The following MAMLD1 variants were observed in gnomAD, a reference collection of about 807,000 sequenced individuals.
MAMLD1 encodes mastermind-like domain-containing protein 1.
MAMLD1 carries 14 observed loss-of-function variants against 45.0 expected under a neutral mutation model. The ratio of observed to expected loss-of-function variants is 0.31; its 90% CI spans 0.21 to 0.49. The LOEUF is 0.49. MAMLD1 is among the 20% of genes least tolerant of loss of function. The pLI is 0.99. For synonymous variants in MAMLD1, 254 were observed against 247.8 expected, an observed-to-expected ratio of 1.02 and a Z score of -0.24; for missense variants, 543 against 603.6, an observed-to-expected ratio of 0.90 and a Z score of 1.05.
intron 1 of MAMLD1, among the ~76,000 whole-genome samples, chrX:150,404,573 T>C (rs2033951881): frequency 9.0e-6 from 1 of 111,657 alleles, no homozygotes; most frequent in South Asian, 3.8e-4. Flanking sequence ...ACTGAAAATA[T>C]CTAAAGTACA....
intron 1 of MAMLD1, among the ~76,000 whole-genome samples, chrX:150,365,085 G>C (rs1393784805): frequency 1.2e-4 from 13 of 110,558 alleles, no homozygotes; most frequent in Admixed American, 1.1e-3. Flanking sequence ...ACCTCTTCTT[G>C]TCTTTATAGA....
At chrX:150,434,301 T>A (rs1198046499) in intron 1 of MAMLD1, among the ~76,000 whole-genome samples, 1 of 111,468 alleles carries the variant, frequency 9.0e-6, no homozygotes, top group African/African-American at 3.3e-5. Context: ...TCTTTTTTTC[T>A]TTATTAATCT....
intron 1 of MAMLD1, among the ~76,000 whole-genome samples, chrX:150,425,208 T>C (rs1372297690): frequency 8.9e-6 from 1 of 111,908 alleles, no homozygotes; most frequent in African/African-American, 3.3e-5. Context: ...TGAACATTCC[T>C]GTTCAAGATT....
chrX:150,469,165 G>A (rs1557406138), intron 3 of MAMLD1, among the ~76,000 whole-genome samples: 1 of 112,457 alleles, frequency 8.9e-6, no homozygotes, highest in Admixed American at 9.4e-5. Context: ...ACTGCAGCCT[G>A]ATGCATTTAA....
In MAMLD1 at chrX:150,368,704, T is replaced by C. The variant is rs781982102; in HGVS notation, c.-64+5174T>C. Among the ~76,000 whole-genome samples, 14 of 112,249 alleles carry C rather than the reference T, an allele frequency of 1.2e-4. No homozygotes were observed. In the South Asian group the frequency reaches 5.2e-3, roughly 42 times the overall value. ...GTTTTTATGGTTTTAGGTCTCACAT[T>C]TAAGTCTTTAATCCATCTTGAATTA... On this transcript the variant is annotated intron_variant, in intron 1 of 7. Coordinates refer to ENST00000370401, the MANE Select transcript of MAMLD1 (RefSeq NM_005491.5).
At chrX:150,400,664 T>G (rs1486757394) in intron 1 of MAMLD1, among the ~76,000 whole-genome samples, 1 of 111,624 alleles carries the variant, frequency 9.0e-6, no homozygotes, top group African/African-American at 3.3e-5. Context: ...GTTTTTAGCA[T>G]GAAGCGTTGT....
chrX:150,467,447 T>G (rs1328614880), intron 3 of MAMLD1, among the ~76,000 whole-genome samples: 7 of 111,898 alleles, frequency 6.3e-5, no homozygotes, highest in Non-Finnish European at 1.3e-4. Context: ...CCTGGGAAAG[T>G]GGGCACTGAT....
rs148304197 is a variant in MAMLD1 at position 150,365,925 on chromosome X, C to G, written c.-64+2395C>G. 1.4e-3 allele frequency among the ~76,000 whole-genome samples: 158 copies of G among 112,658 alleles called. 2 individuals are homozygous for G. The East Asian group carries it at 0.03, about 21-fold the overall frequency. On this transcript the variant is annotated intron_variant, in intron 1 of 7. Coordinates refer to ENST00000370401, the MANE Select transcript of MAMLD1 (RefSeq NM_005491.5). The stretch of plus-strand genomic sequence containing the variant: ...GGTCCTTGTCCCTTATAACTGCCCC[C>G]CTAAAACTTTCGAGAACCAGGGCTT...
chrX:150,481,268 A>G (rs1230696856), intron 5 of MAMLD1, among the ~76,000 whole-genome samples: 1 of 112,786 alleles, frequency 8.9e-6, no homozygotes, highest in Admixed American at 9.3e-5. Flanking sequence ...TGAACAGACA[A>G]TGCACTCCAC....
At chrX:150,430,887 T>C (rs2124572785) in intron 1 of MAMLD1, among the ~76,000 whole-genome samples, 1 of 112,372 alleles carries the variant, frequency 8.9e-6, no homozygotes, top group South Asian at 3.7e-4. Context: ...TTAAATCAGG[T>C]ACACTGGTTA....
At chrX:150,496,532 C>T (rs377429054) in intron 5 of MAMLD1, among the ~76,000 whole-genome samples, 1 of 112,436 alleles carries the variant, frequency 8.9e-6, no homozygotes, top group Non-Finnish European at 1.9e-5. Context: ...TACATGGTAG[C>T]TATTGTCATC....
intron 3 of MAMLD1, among the ~76,000 whole-genome samples, chrX:150,468,589 T>A (rs1465153642): frequency 9.0e-6 from 1 of 111,485 alleles, no homozygotes; most frequent in Non-Finnish European, 1.9e-5. Context: ...ATACAGGTCA[T>A]GGTCATTAAC....
At chrX:150,413,618 T>C (rs60554645) in intron 1 of MAMLD1, among the ~76,000 whole-genome samples, 7 of 107,364 alleles carry the variant, frequency 6.5e-5, no homozygotes, top group South Asian at 4.3e-4. Flanking sequence ...ACCTGATGAA[T>C]GCAACCTATC....
intron 5 of MAMLD1, among the ~76,000 whole-genome samples, chrX:150,481,427 T>A (rs2148319561): frequency 8.9e-6 from 1 of 112,519 alleles, no homozygotes; most frequent in Non-Finnish European, 1.9e-5. Flanking sequence ...TTGGTGGGAA[T>A]GTGAAATAGT....
chrX:150,491,543 T>C (rs1437043129), intron 5 of MAMLD1, among the ~76,000 whole-genome samples: 2 of 112,025 alleles, frequency 1.8e-5, no homozygotes, highest in Admixed American at 1.9e-4. Context: ...AAGTGGCCAT[T>C]TATATACACT....
chrX:150,438,657 A>G (rs782085913), intron 1 of MAMLD1, among the ~76,000 whole-genome samples: 3 of 111,857 alleles, frequency 2.7e-5, no homozygotes, highest in Non-Finnish European at 5.6e-5. Flanking sequence ...AATGTTTTCA[A>G]GGTTCATTCA....
chrX:150,399,547 G>A (rs942037163), intron 1 of MAMLD1, among the ~76,000 whole-genome samples: 1 of 111,845 alleles, frequency 8.9e-6, no homozygotes. Context: ...AATATGACTA[G>A]TGTAGTTATA....
intron 1 of MAMLD1, among the ~76,000 whole-genome samples, chrX:150,432,080 CCT>C (rs2034971242): frequency 1.9e-5 from 2 of 106,261 alleles, no homozygotes; most frequent in African/African-American, 3.5e-5. Flanking sequence ...TTCTCCACAA[CCT>C]CTGTTTTTTT....
intron 4 of MAMLD1, among the ~76,000 whole-genome samples, chrX:150,472,387 G>A (rs1183484897): frequency 1.8e-5 from 2 of 112,490 alleles, no homozygotes; most frequent in Admixed American, 9.4e-5. Flanking sequence ...AGGAATCCTG[G>A]CATGGTTTAA....
Sources: allele counts gnomAD v4.1 joint callset (sites outside exome capture counted in the v4.1 genomes callset), GRCh38; gene constraint gnomAD v4.1.1; transcripts MANE v1.5; gene names NCBI Gene and HGNC (gene_info 2026-07-23, HGNC 2026-07-21).